Variants in PLD5 observed in about 807,000 individuals in gnomAD.
PLD5 encodes phospholipase D family member 5, also known as inactive phospholipase D5.
In PLD5, 36 loss-of-function variants were observed where a neutral mutation model predicts 61.1. That is an observed-to-expected ratio of 0.59 (90% CI 0.45 to 0.78). The LOEUF (loss-of-function observed/expected upper bound fraction) is 0.78, where lower values mean the gene tolerates loss of function less well. PLD5 is among the 30% of genes least tolerant of loss of function. PLD5 has a pLI of 0.00. For missense variants in PLD5, 515 were observed against 644.4 expected (o/e 0.80, Z 2.17); for synonymous variants, 243 against 242.8 (o/e 1.00, Z -0.01).
chr1:242,229,401 CATA>C (rs1403667567), intron 4 of PLD5, among the ~76,000 whole-genome samples: 2 of 152,088 alleles, frequency 1.3e-5, no homozygotes, highest in African/African-American at 4.8e-5. Context: ...GATTATAAAG[CATA>C]ATAAAATGGA....
In PLD5 at chr1:242,500,688, GAGAAGA is replaced by G. The variant is rs146163430; in HGVS notation, c.189+23394_189+23399del. ...GTGAGCAGGTTGGGGAAGGGAAGAA[GAGAAGA>G]AGGAGCAAAGGTACAGAGCCCAGGA... On this transcript the variant is annotated intron_variant, in intron 1 of 9. Transcript: ENST00000536534. Among the ~76,000 whole-genome samples the G allele has an allele frequency of 2.3e-3, 349 of 152,198 alleles. 2 individuals carry two copies. Among genetic ancestry groups the G allele is most frequent in the Middle Eastern group, 6.8e-3 (2 of 294 alleles).
At chr1:242,330,778 C>T (rs552507069) in intron 2 of PLD5, among the ~76,000 whole-genome samples, 29 of 152,280 alleles carry the variant, frequency 1.9e-4, no homozygotes, top group Admixed American at 9.8e-4. Context: ...TAAAATACAT[C>T]ATCACCTATC....
intron 1 of PLD5, among the ~76,000 whole-genome samples, chr1:242,497,973 A>ATTTT (rs397828359): frequency 6.6e-6 from 1 of 151,402 alleles, no homozygotes; most frequent in African/African-American, 2.4e-5. Flanking sequence ...TTATTTATTT[A>ATTTT]ATTTTTTTTG....
intron 2 of PLD5, among the ~76,000 whole-genome samples, chr1:242,305,932 G>A (rs1353960761): frequency 2.0e-5 from 3 of 152,186 alleles, no homozygotes; most frequent in Non-Finnish European, 4.4e-5. Flanking sequence ...AAGGTAGAGA[G>A]GAGAAGGTCC....
intron 1 of PLD5, among the ~76,000 whole-genome samples, chr1:242,414,624 A>G (rs1004049549): frequency 5.9e-5 from 9 of 152,246 alleles, no homozygotes; most frequent in Non-Finnish European, 1.2e-4. Context: ...TGAATACATC[A>G]GGATAAATTT....
intron 6 of PLD5, among the ~76,000 whole-genome samples, chr1:242,124,128 C>T (rs561220682): frequency 6.6e-6 from 1 of 152,280 alleles, no homozygotes; most frequent in East Asian, 1.9e-4. Flanking sequence ...GGTGCTGGCT[C>T]CGCTCTTAGC....
intron 2 of PLD5, among the ~76,000 whole-genome samples, chr1:242,302,518 G>A (rs1676115771): frequency 7.6e-6 from 1 of 131,854 alleles, no homozygotes; most frequent in Non-Finnish European, 1.6e-5. Context: ...AGGAGAGTAA[G>A]ACCAGCCTGG....
At chr1:242,113,727 T>TA (rs1483443149) in intron 7 of PLD5, among the ~76,000 whole-genome samples, 163 bp downstream of exon 7, 1 of 152,166 alleles carries the variant, frequency 6.6e-6, no homozygotes, top group Non-Finnish European at 1.5e-5. Flanking sequence ...AAAAGCTCCG[T>TA]AATGAGTAAA....
intron 1 of PLD5, among the ~76,000 whole-genome samples, chr1:242,449,895 G>A (rs1036121352): frequency 9.2e-5 from 14 of 152,310 alleles, no homozygotes; most frequent in African/African-American, 2.6e-4. Flanking sequence ...ACAGCAGCTC[G>A]GTCATCGGTG....
At chr1:242,456,086 T>C (rs910053402) in intron 1 of PLD5, among the ~76,000 whole-genome samples, 1 of 152,164 alleles carries the variant, frequency 6.6e-6, no homozygotes, top group Admixed American at 6.5e-5. Flanking sequence ...GCTTGATTTA[T>C]AAGCTTCATA....
chr1:242,476,077 G>T (rs1341538477), intron 1 of PLD5, among the ~76,000 whole-genome samples: 1 of 152,222 alleles, frequency 6.6e-6, no homozygotes, highest in African/African-American at 2.4e-5. Context: ...ATATGGGCCA[G>T]GCAAAGGTGG....
Position 242,296,190 on chromosome 1 carries a change from A to C in PLD5, c.327-7660T>G, listed in dbSNP as rs945371349. Reference sequence around the variant, plus strand: ...GGCATTTTTCTTATGTTGGTTGCTGATATGTCTCCTTTTGAAAAGTGTCTG... The same window carrying C: ...GGCATTTTTCTTATGTTGGTTGCTGCTATGTCTCCTTTTGAAAAGTGTCTG... On this transcript the variant is annotated intron_variant, in intron 2 of 9. Transcript: ENST00000536534. Among the ~76,000 whole-genome samples, 16 of 152,226 alleles carry C rather than the reference A, an allele frequency of 1.1e-4. 1 individual carries two copies. Among genetic ancestry groups the C allele is most frequent in the Admixed American group, 5.9e-4 (9 of 15,278 alleles).
At chr1:242,484,104 G>T (rs1667874812) in intron 1 of PLD5, among the ~76,000 whole-genome samples, 1 of 152,160 alleles carries the variant, frequency 6.6e-6, no homozygotes, top group Non-Finnish European at 1.5e-5. Flanking sequence ...TCAAGAGAAA[G>T]CAGGAAAGAT....
At chr1:242,495,188 G>T (rs938100528) in intron 1 of PLD5, among the ~76,000 whole-genome samples, 1 of 152,002 alleles carries the variant, frequency 6.6e-6, no homozygotes, top group East Asian at 1.9e-4. Flanking sequence ...TGCCTTCATT[G>T]TCTAATTGAC....
intron 1 of PLD5, among the ~76,000 whole-genome samples, chr1:242,411,956 A>C (rs1229673482): frequency 6.6e-6 from 1 of 151,852 alleles, no homozygotes; most frequent in African/African-American, 2.4e-5. Context: ...AAAAAAGGAG[A>C]GAGGGAGCTG....
intron 5 of PLD5, among the ~76,000 whole-genome samples, chr1:242,208,655 A>G (rs1669597576): frequency 6.6e-6 from 1 of 152,154 alleles, no homozygotes; most frequent in South Asian, 2.1e-4. Context: ...TGTCCAAGTT[A>G]CAGGAGAAGG....
intron 3 of PLD5, among the ~76,000 whole-genome samples, chr1:242,288,084 C>T (rs140190612): frequency 0.022 from 3,347 of 152,280 alleles, 136 homozygotes; most frequent in African/African-American, 0.077. Context: ...GTAAATAGCA[C>T]GCCCTGAAGT....
At chr1:242,181,143 G>A (rs1667492011) in intron 5 of PLD5, among the ~76,000 whole-genome samples, 1 of 152,094 alleles carries the variant, frequency 6.6e-6, no homozygotes, top group African/African-American at 2.4e-5. Flanking sequence ...AATCACCTGG[G>A]GTGATTTGAA....
At chr1:242,449,518 A>G in intron 1 of PLD5, 1 of 1,482,914 alleles carries the variant, frequency 6.7e-7, no homozygotes. Flanking sequence ...TGCTGGCCTC[A>G]ATGCTTTGGA....
Sources: gnomAD v4.1 joint callset for allele counts (sites outside exome capture counted in the v4.1 genomes callset) on GRCh38, gnomAD v4.1.1 for gene constraint, MANE v1.5 for transcripts, NCBI Gene and HGNC (gene_info 2026-07-23, HGNC 2026-07-21) for gene names.